RAB9B: variants seen among roughly 807,000 people sequenced by gnomAD.
The protein encoded by RAB9B is ras-related protein Rab-9B.
Under a neutral mutation model 8.9 loss-of-function variants are expected in RAB9B, and 1 was observed. The ratio of observed to expected loss-of-function variants is 0.11; its 90% CI spans 0.04 to 0.53. RAB9B has a LOEUF of 0.53. RAB9B is among the 20% of genes least tolerant of loss of function. The probability of loss-of-function intolerance (pLI) is 0.93; values close to 1 mark genes in which losing one functional copy is unlikely to be tolerated. For missense variants in RAB9B, 82 were observed against 152.9 expected (o/e 0.54, Z 2.45); for synonymous variants, 63 against 57.0 (o/e 1.10, Z -0.47).
the RAB9B span, chrX:103,779,925 C>A: frequency 8.9e-6 from 1 of 112,597 alleles, no homozygotes; most frequent in Non-Finnish European, 1.9e-5. Flanking sequence ...CTGCCCACAG[C>A]ACTTCAGGTC....
chrX:103,830,152 T>C (rs2074697747), intron 1 of RAB9B, among the ~76,000 whole-genome samples: 1 of 110,465 alleles, frequency 9.1e-6, no homozygotes, highest in Non-Finnish European at 1.9e-5. Flanking sequence ...ATTTCCCCAT[T>C]CCTACCCAAA....
At chrX:103,802,021 A>G in the RAB9B span, among the ~76,000 whole-genome samples, 5 of 111,282 alleles carry the variant, frequency 4.5e-5, no homozygotes, top group Non-Finnish European at 9.4e-5. Flanking sequence ...TAACCACTAA[A>G]TACAGAACAA....
the RAB9B span, among the ~76,000 whole-genome samples, chrX:103,807,768 G>A: frequency 2.7e-4 from 30 of 111,782 alleles, no homozygotes; most frequent in South Asian, 1.1e-3. Flanking sequence ...AAAACCCAGG[G>A]ACTTGGGAAG....
chrX:103,814,683 A>T, the RAB9B span, among the ~76,000 whole-genome samples: 1 of 111,774 alleles, frequency 8.9e-6, no homozygotes, highest in East Asian at 2.8e-4. Flanking sequence ...AAATAGGTAG[A>T]CTGCTAGCAA....
At chrX:103,830,562 C>A (rs1401308342) in intron 1 of RAB9B, among the ~76,000 whole-genome samples, 2 of 111,617 alleles carry the variant, frequency 1.8e-5, no homozygotes, top group African/African-American at 6.5e-5. Flanking sequence ...CCCTTTCCTA[C>A]CCCCACAAAC....
chrX:103,787,460 C>T, the RAB9B span: 2 of 328,676 alleles, frequency 6.1e-6, no homozygotes, highest in Non-Finnish European at 1.1e-5. Context: ...CTAAGCTCAG[C>T]CTAAGGCACA....
At chrX:103,811,901 C>T in the RAB9B span, among the ~76,000 whole-genome samples, 19 of 109,906 alleles carry the variant, frequency 1.7e-4, no homozygotes, top group Admixed American at 1.7e-3. Flanking sequence ...TGGTGGGGCC[C>T]CCTTCCTGGT....
At chrX:103,805,104 G>A in the RAB9B span, among the ~76,000 whole-genome samples, 3 of 111,656 alleles carry the variant, frequency 2.7e-5, no homozygotes, top group Admixed American at 9.5e-5. Context: ...AAAGCTTGCA[G>A]TCTTTCCCCA....
downstream of RAB9B, among the ~76,000 whole-genome samples, chrX:103,819,114 T>C (rs949957704): frequency 2.7e-5 from 3 of 111,928 alleles, no homozygotes; most frequent in African/African-American, 6.5e-5. Flanking sequence ...GCCTGTTTCT[T>C]GCTTCCTCAT....
At chrX:103,816,511 A>G in the RAB9B span, among the ~76,000 whole-genome samples, 9 of 112,230 alleles carry the variant, frequency 8.0e-5, no homozygotes, top group East Asian at 2.5e-3. Flanking sequence ...CATTCAGGAC[A>G]TAGGCATGGG....
chrX:103,780,468 T>TGTGTGTGC, the RAB9B span, among the ~76,000 whole-genome samples: 52 of 109,647 alleles, frequency 4.7e-4, no homozygotes, highest in East Asian at 8.6e-4. Context: ...TGTGTGTGTG[T>TGTGTGTGC]GCGCGTCTGA....
At chrX:103,809,358 T>C in the RAB9B span, among the ~76,000 whole-genome samples, 1 of 111,647 alleles carries the variant, frequency 9.0e-6, no homozygotes, top group African/African-American at 3.3e-5. Flanking sequence ...TGGAGTGCAA[T>C]GGCTCAATCT....
the RAB9B span, among the ~76,000 whole-genome samples, chrX:103,783,943 A>G: frequency 8.9e-6 from 1 of 112,200 alleles, no homozygotes; most frequent in African/African-American, 3.2e-5. Flanking sequence ...GTATATATAC[A>G]TATATTTATA....
the RAB9B span, among the ~76,000 whole-genome samples, chrX:103,780,435 C>CTG: frequency 0.012 from 803 of 68,323 alleles, 7 homozygotes; most frequent in African/African-American, 0.02. Flanking sequence ...CATTCTGTCT[C>CTG]TCTCTGTGTG....
downstream of RAB9B, among the ~76,000 whole-genome samples, chrX:103,821,798 A>T (rs1419229666): frequency 9.0e-6 from 1 of 111,495 alleles, no homozygotes; most frequent in African/African-American, 3.3e-5. Flanking sequence ...TTATTTGTAT[A>T]AATTTAGGGG....
rs1376539076 is a variant in RAB9B, at chrX:103,824,383, G to T, written c.*796C>A. 8.9e-6 allele frequency: 1 copy of T among 112,143 alleles called. No homozygotes were observed. The highest frequency in any genetic ancestry group is 1.9e-5 in the Non-Finnish European group (1 of 53,261). 9.2% of individuals were successfully genotyped at this position (112,143 alleles called of 1,213,427 possible). A position where few individuals can be genotyped will look rare whatever the true frequency, so the allele number is the denominator to read the frequency against. On this transcript the variant is annotated 3_prime_UTR_variant, in exon 3 of 3. Coordinates refer to ENST00000243298, the MANE Select transcript of RAB9B (RefSeq NM_016370.4). ...TATACTAAGCAGCATTGCTAAATTG[G>T]TAAGAGGTTGTCAGAGAAGCAACAT...
chrX:103,815,271 G>T, the RAB9B span, among the ~76,000 whole-genome samples: 1 of 112,420 alleles, frequency 8.9e-6, no homozygotes, highest in East Asian at 2.8e-4. Context: ...TCCCTGGGAT[G>T]CAAGGCTGGT....
chrX:103,829,694 C>T lies in RAB9B; in HGVS notation c.-117+2366G>A, dbSNP rs2074696334. Among the ~76,000 whole-genome samples, 2 of 112,250 alleles carry T rather than the reference C, an allele frequency of 1.8e-5. 1 individual carries two copies. The highest frequency in any genetic ancestry group is 1.9e-4 in the Admixed American group (2 of 10,610). ...CAAGGTCTTGCCCTCAGGGAGTTTA[C>T]AAATTAACATGCAAGCTCAGGATCT... is the stretch of plus-strand genomic sequence containing the variant. On this transcript the variant is annotated intron_variant, in intron 1 of 2. Coordinates refer to ENST00000243298, the MANE Select transcript of RAB9B (RefSeq NM_016370.4).
the RAB9B span, chrX:103,792,559 A>G: frequency 8.9e-6 from 1 of 112,844 alleles, no homozygotes; most frequent in East Asian, 2.8e-4. Flanking sequence ...TTAGAAACTT[A>G]TCTTACAAAG....
Sources: allele counts gnomAD v4.1 joint callset (sites outside exome capture counted in the v4.1 genomes callset), GRCh38; gene constraint gnomAD v4.1.1; transcripts MANE v1.5; gene names NCBI Gene and HGNC (gene_info 2026-07-23, HGNC 2026-07-21).